PALM: variants seen among roughly 807,000 people sequenced by gnomAD.
The protein encoded by PALM is paralemmin-1.
In PALM, 18 loss-of-function variants were observed where a neutral mutation model predicts 30.7. That is an observed-to-expected ratio of 0.59 (90% CI 0.41 to 0.87). The LOEUF (loss-of-function observed/expected upper bound fraction) is 0.87. PALM is among the 40% of genes least tolerant of loss of function. The probability of loss-of-function intolerance (pLI) is 0.00; values close to 1 mark genes in which losing one functional copy is unlikely to be tolerated. For missense variants in PALM, 529 were observed against 555.4 expected (o/e 0.95, Z 0.48); for synonymous variants, 286 against 242.8 (o/e 1.18, Z -1.66).
At chr19:716,824 G>A (rs759940135) in intron 1 of PALM, among the ~76,000 whole-genome samples, 2 of 152,166 alleles carry the variant, frequency 1.3e-5, no homozygotes, top group Admixed American at 6.5e-5. Context: ...GTATACACAC[G>A]TCTGTATGTA....
rs998355729 is a variant in PALM at position 709,342 on chromosome 19, C to T, written c.5+191C>T. ...GGCTGGGCCGCGCCTGCCGGGAGGC[C>T]TCCCCGCTCCCGGACCCCGGCTGCC... On this transcript the variant is annotated intron_variant, in intron 1 of 8. Coordinates refer to ENST00000338448, the MANE Select transcript of PALM (RefSeq NM_002579.3). This position sits in a 1 kb window ranked among gnomAD's most constrained non-coding sequence, Gnocchi z 4.3. 2.7e-4 allele frequency among the ~76,000 whole-genome samples: 41 copies of T among 151,570 alleles called. No individual in the cohort carries two copies. The highest frequency in any genetic ancestry group is 8.7e-4 in the African/African-American group (36 of 41,472).
chr19:738,866 G>A (rs1174941752), intron 7 of PALM, among the ~76,000 whole-genome samples: 1 of 152,228 alleles, frequency 6.6e-6, no homozygotes, highest in Admixed American at 6.5e-5. Context: ...CCCCTCAGAA[G>A]TGGTGAGGAC....
At chr19:734,106 C>T in intron 5 of PALM, 67 bp from the exon 6 acceptor site, 3 of 1,521,766 alleles carry the variant, frequency 2.0e-6, no homozygotes, top group Non-Finnish European at 1.8e-6. Context: ...GGCTCCTGAC[C>T]CCATGGCTCC....
At chr19:732,929 GT>G (rs1239710635) in intron 5 of PALM, among the ~76,000 whole-genome samples, 5 of 149,884 alleles carry the variant, frequency 3.3e-5, no homozygotes, top group Non-Finnish European at 5.9e-5. Flanking sequence ...ACGTGGGGTG[GT>G]TTTTTTGTGT....
At chr19:738,312 G>T (rs2033082980) in intron 7 of PALM, among the ~76,000 whole-genome samples, 1 of 152,138 alleles carries the variant, frequency 6.6e-6, no homozygotes, top group Non-Finnish European at 1.5e-5. Flanking sequence ...AGATCATGAG[G>T]TCAGGAGATC....
At chr19:710,523 AG>A (rs1034559959) in intron 1 of PALM, among the ~76,000 whole-genome samples, 1 of 152,014 alleles carries the variant, frequency 6.6e-6, no homozygotes, top group African/African-American at 2.4e-5. Context: ...GGGGCTGCCT[AG>A]GAGGACGACG....
At chr19:717,421 G>C (rs745610431) in intron 1 of PALM, among the ~76,000 whole-genome samples, 44 of 152,182 alleles carry the variant, frequency 2.9e-4, no homozygotes, top group Non-Finnish European at 3.1e-4. Context: ...TCTGTGTCTG[G>C]CGTCTCTCAC....
chr19:722,710 C>T (rs2032531232), intron 1 of PALM: 1 of 152,326 alleles, frequency 6.6e-6, no homozygotes, highest in Admixed American at 6.5e-5. Flanking sequence ...CTGCCTGCAT[C>T]ACCCGTTGCT....
intron 4 of PALM, among the ~76,000 whole-genome samples, chr19:729,451 G>A (rs1035889657): frequency 1.3e-5 from 2 of 148,946 alleles, no homozygotes; most frequent in African/African-American, 5.0e-5. Context: ...AAAATCCCAC[G>A]GTGCGTCTTT....
At chr19:718,924 C>G (rs2032361201) in intron 1 of PALM, among the ~76,000 whole-genome samples, 1 of 152,000 alleles carries the variant, frequency 6.6e-6, no homozygotes. Flanking sequence ...GAGACACAGG[C>G]TCTGAGGACC....
In PALM at chr19:747,157, A is replaced by C; in HGVS notation, c.*343A>C. On this transcript the variant is annotated 3_prime_UTR_variant, in exon 9 of 9. Coordinates refer to ENST00000338448, the MANE Select transcript of PALM (RefSeq NM_002579.3). Reference sequence around the variant, plus strand: ...CTGGCGGGTGGGACCCGCAGCCTCCACGCGGCCCAGGCCAGCCTGCCACCC... The same window carrying C: ...CTGGCGGGTGGGACCCGCAGCCTCCCCGCGGCCCAGGCCAGCCTGCCACCC... 1 of 252,236 alleles carries C rather than the reference A, an allele frequency of 4.0e-6. No individual in the cohort carries two copies. The highest frequency in any genetic ancestry group is 5.2e-5 in the Admixed American group (1 of 19,186). The allele number at this position is 252,236 out of a possible 1,614,324, so 15.6% of individuals were successfully genotyped here.
At chr19:729,458 CTTTTTTTT>C (rs34688325) in intron 4 of PALM, among the ~76,000 whole-genome samples, 12 of 72,686 alleles carry the variant, frequency 1.7e-4, no homozygotes, top group East Asian at 5.7e-4. Flanking sequence ...CACGGTGCGT[CTTTTTTTT>C]TTTTTTTTTT....
At chr19:726,046 C>T (rs1004386583) in intron 1 of PALM, 92 bp from the exon 2 acceptor site, 7 of 984,552 alleles carry the variant, frequency 7.1e-6, no homozygotes, top group African/African-American at 6.4e-5. Flanking sequence ...CCTGGTTACC[C>T]CTAGGGGAAG....
Position 746,861 on chromosome 19 carries a change from C to T in PALM, c.*47C>T. 4 of 1,203,452 alleles carry T rather than the reference C, an allele frequency of 3.3e-6. No homozygotes were observed. The highest frequency in any genetic ancestry group is 4.6e-6 in the Non-Finnish European group (4 of 876,982). 74.5% of individuals were successfully genotyped at this position (1,203,452 alleles called of 1,614,324 possible). On this transcript the variant is annotated 3_prime_UTR_variant, in exon 9 of 9. Coordinates refer to ENST00000338448, the MANE Select transcript of PALM (RefSeq NM_002579.3). This position sits in a 1 kb window ranked among gnomAD's most constrained non-coding sequence, Gnocchi z 7.1. Reference sequence around the variant, plus strand: ...CCCCACCCCACACCACAGACACCCACCAGCCCGGCCCCTCCCGGCGCCTGC... The same window carrying T: ...CCCCACCCCACACCACAGACACCCATCAGCCCGGCCCCTCCCGGCGCCTGC...
intron 7 of PALM, among the ~76,000 whole-genome samples, chr19:738,128 C>G (rs373015385): frequency 1.2e-4 from 18 of 152,088 alleles, no homozygotes; most frequent in African/African-American, 4.1e-4. Context: ...CGGTGGCTCA[C>G]GCCTGTAATC....
intron 1 of PALM, chr19:719,493 G>C (rs1337853824): frequency 1.0e-6 from 1 of 985,250 alleles, no homozygotes; most frequent in African/African-American, 1.7e-5. Flanking sequence ...GGGGCGTGGC[G>C]CTCCAGGGGC....
At chr19:723,049 G>C (rs959793020) in intron 1 of PALM, 1 of 152,676 alleles carries the variant, frequency 6.5e-6, no homozygotes, top group Admixed American at 6.5e-5. Flanking sequence ...GCTCCAGGGA[G>C]GTCTTGACCC....
intron 7 of PALM, among the ~76,000 whole-genome samples, chr19:738,680 G>A: frequency 6.6e-6 from 1 of 152,164 alleles, no homozygotes; most frequent in Non-Finnish European, 1.5e-5. Flanking sequence ...GTCCAGGTGG[G>A]GATGGGTGTG....
chr19:738,907 T>C (rs72980246), intron 7 of PALM, among the ~76,000 whole-genome samples: 2,964 of 152,194 alleles, frequency 0.019, 42 homozygotes, highest in Middle Eastern at 0.034. Context: ...TGCCAGGCAT[T>C]GGGAACAGCC....
Sources: gnomAD v4.1 joint callset for allele counts (sites outside exome capture counted in the v4.1 genomes callset) on GRCh38, gnomAD v4.1.1 for gene constraint, Gnocchi (gnomAD v3.1) non-coding constraint, MANE v1.5 for transcripts, NCBI Gene and HGNC (gene_info 2026-07-23, HGNC 2026-07-21) for gene names.